The following CTNND1 variants were observed in gnomAD, a reference collection of about 807,000 sequenced individuals.
CTNND1 encodes catenin delta 1.
CTNND1 carries 16 observed loss-of-function variants against 112.1 expected under a neutral mutation model. The observed-to-expected ratio is 0.14, with a 90% CI of 0.10 to 0.22. The LOEUF is 0.22. CTNND1 is among the 10% of genes least tolerant of loss of function. The probability of loss-of-function intolerance (pLI) is 1.00; values close to 1 mark genes in which losing one functional copy is unlikely to be tolerated. For synonymous variants in CTNND1, 420 were observed against 446.5 expected (o/e 0.94, Z 0.75); for missense variants, 1,008 against 1,257.0 (o/e 0.80, Z 3.00).
In CTNND1 at chr11:57,803,774, C is replaced by T. The variant is rs747868784; in HGVS notation, c.1574C>T (p.Ser525Leu). The change falls in exon 8 of 21, where the codon TCG becomes TTG. Residue 525 changes from serine (S) to leucine (L), a missense_variant. This residue lies in a region of CTNND1 where 216 missense variants were observed against 342.8 expected (regional missense o/e 0.63). Coordinates refer to ENST00000399050, the MANE Select transcript of CTNND1 (RefSeq NM_001085458.2). ...DCKPRHIEWE[S>L]VLTNTAGCLR... Reference sequence around the variant, plus strand: ...AAGCCACGCCACATTGAGTGGGAATCGGTGCTCACCAACACAGCTGGCTGC... The same window carrying T: ...AAGCCACGCCACATTGAGTGGGAATTGGTGCTCACCAACACAGCTGGCTGC... 30 of 1,610,354 alleles carry T rather than the reference C, an allele frequency of 1.9e-5. No homozygotes were observed. Among genetic ancestry groups the T allele is most frequent in the East Asian group, 6.7e-5 (3 of 44,702 alleles).
chr11:57,767,351 T>C (rs1372278090), intron 1 of CTNND1, among the ~76,000 whole-genome samples: 1 of 152,240 alleles, frequency 6.6e-6, no homozygotes, highest in African/African-American at 2.4e-5. Flanking sequence ...GTTGATGTGA[T>C]GTGATGACAA....
intron 6 of CTNND1, among the ~76,000 whole-genome samples, chr11:57,798,740 G>A (rs1175760995): frequency 6.6e-6 from 1 of 152,156 alleles, no homozygotes; most frequent in Admixed American, 6.5e-5. Context: ...GAATGGGGTC[G>A]ACAGACCCCT....
chr11:57,771,512 A>G (rs1359500230), intron 1 of CTNND1, among the ~76,000 whole-genome samples: 2 of 152,098 alleles, frequency 1.3e-5, no homozygotes, highest in African/African-American at 4.8e-5. Flanking sequence ...AGATATGAGG[A>G]GTAGGAAGTG....
intron 17 of CTNND1, 42 bp from the exon 18 acceptor site, chr11:57,814,269 A>G: frequency 6.8e-7 from 1 of 1,475,268 alleles, no homozygotes; most frequent in South Asian, 1.2e-5. Context: ...ACAGATTTTG[A>G]AGAATTGTTT....
intron 1 of CTNND1, among the ~76,000 whole-genome samples, chr11:57,787,420 A>G (rs903017939): frequency 1.3e-5 from 2 of 152,234 alleles, no homozygotes; most frequent in East Asian, 3.8e-4. Context: ...CGGTGAAGTA[A>G]TGTAATTGGA....
chr11:57,766,006 G>T (rs1591094546), intron 1 of CTNND1, among the ~76,000 whole-genome samples: 1 of 152,110 alleles, frequency 6.6e-6, no homozygotes, highest in South Asian at 2.1e-4. Context: ...TTAGCTGGGC[G>T]TGGTGGCATG....
chr11:57,778,127 G>A (rs2059204413), intron 1 of CTNND1, among the ~76,000 whole-genome samples: 1 of 151,984 alleles, frequency 6.6e-6, no homozygotes, highest in Non-Finnish European at 1.5e-5. Flanking sequence ...ATTCCTAGTG[G>A]TTGTCCTCTC....
chr11:57,803,671 G>A lies in CTNND1; in HGVS notation c.1471G>A (p.Asp491Asn). ...TGACTCAATCAAAATGGAGATTGTG[G>A]ACCATGCACTGCATGCCTTGACAGA... ...SHDSIKMEIV[D>N]HALHALTDEV... is the part of the protein sequence containing the mutation. Residue 491 changes from aspartate (D) to asparagine (N), a missense_variant, in exon 8 of 21, where the codon GAC becomes AAC. Around this residue, in one of 5 missense-constraint regions of CTNND1, gnomAD observed 216 missense variants for 342.8 expected, o/e 0.63. Transcript: ENST00000399050. 1 of 1,613,084 alleles carries A rather than the reference G, an allele frequency of 6.2e-7. No homozygotes were observed. The highest frequency in any genetic ancestry group is 8.5e-7 in the Non-Finnish European group (1 of 1,179,506).
In CTNND1 at chr11:57,816,588, T is replaced by A; in HGVS notation, c.*280T>A. On this transcript the variant is annotated 3_prime_UTR_variant, in exon 21 of 21. Transcript: ENST00000399050. ...ATTTTGAGAAACTGCTGCAGATTAG[T>A]TCTTTTTGCCAGTTTTCCCTGGAAC... 4 of 525,570 alleles carry A rather than the reference T, an allele frequency of 7.6e-6. No homozygotes were observed. In the South Asian group the frequency reaches 9.3e-5, roughly 12 times the overall value. The allele number at this position is 525,570 out of a possible 1,614,324, so 32.6% of individuals were successfully genotyped here. A position where few individuals can be genotyped will look rare whatever the true frequency, so the allele number is the denominator to read the frequency against.
chr11:57,811,345 A>C (rs1469602282), intron 16 of CTNND1, 54 bp from the exon 17 acceptor site: 2 of 1,439,680 alleles, frequency 1.4e-6, no homozygotes, highest in African/African-American at 1.4e-5. Context: ...TTAGAGCATA[A>C]GATAGGGTGA....
At position 57,802,213 on chromosome 11, in the gene CTNND1, A is replaced by G. The variant is rs763816859; in HGVS notation, c.1420+17A>G. The G allele has an allele frequency of 1.3e-6, 2 of 1,581,342 alleles. No individual in the cohort carries two copies. Among genetic ancestry groups the G allele is most frequent in the Non-Finnish European group, 1.7e-6 (2 of 1,161,390 alleles). ...TTATTACCGGTGAGTTCTAGGCCTAAGGAAAATTGCTAAGTCAGTGTTACT... is the reference window on the plus strand; with the variant it reads ...TTATTACCGGTGAGTTCTAGGCCTAGGGAAAATTGCTAAGTCAGTGTTACT... On this transcript the variant is annotated intron_variant, in intron 7 of 20. Coordinates refer to ENST00000399050, the MANE Select transcript of CTNND1 (RefSeq NM_001085458.2).
In CTNND1 at chr11:57,814,629, A is replaced by C. The variant is rs377047514; in HGVS notation, c.2701+256A>C. On this transcript the variant is annotated intron_variant, in intron 18 of 20. Coordinates refer to ENST00000399050, the MANE Select transcript of CTNND1 (RefSeq NM_001085458.2). ...CCTATTACTACACATTCAAGTTTGTAGCCCATTATATTCCTACCCCAGTCT... is the reference window on the plus strand; with the variant it reads ...CCTATTACTACACATTCAAGTTTGTCGCCCATTATATTCCTACCCCAGTCT... Among the ~76,000 whole-genome samples, 13 of 152,326 alleles carry C rather than the reference A, an allele frequency of 8.5e-5. No individual in the cohort carries two copies. The East Asian group carries it at 2.5e-3, about 29-fold the overall frequency.
chr11:57,779,807 A>G (rs2059381827), intron 1 of CTNND1, among the ~76,000 whole-genome samples: 1 of 152,046 alleles, frequency 6.6e-6, no homozygotes, highest in African/African-American at 2.4e-5. Flanking sequence ...AAGGTAGGTA[A>G]TTTTTACAGA....
chr11:57,772,554 A>G (rs1198673889), intron 1 of CTNND1, among the ~76,000 whole-genome samples: 2 of 152,110 alleles, frequency 1.3e-5, no homozygotes, highest in Non-Finnish European at 2.9e-5. Flanking sequence ...CCCTGAAACT[A>G]ACTTTCCTTA....
At chr11:57,791,355 T>G (rs1419539357) in intron 2 of CTNND1, 30 bp from the exon 3 acceptor site, 2 of 1,338,760 alleles carry the variant, frequency 1.5e-6, no homozygotes, top group Non-Finnish European at 1.9e-6. Context: ...TGTGACCTTT[T>G]CTCTCCTTTC....
rs377685669 is a variant in CTNND1 at position 57,809,291 on chromosome 11, A to G, written c.2260A>G (p.Asn754Asp). 1.4e-5 allele frequency: 22 copies of G among 1,613,352 alleles called. 1 individual carries two copies. The African/African-American group carries it at 1.5e-4, about 11-fold the overall frequency. The change falls in exon 15 of 21, where the codon AAC becomes GAC. Residue 754 changes from asparagine to aspartate, a missense_variant. Asn to Asp is a conservative substitution (Grantham distance 23). Coordinates refer to ENST00000399050, the MANE Select transcript of CTNND1 (RefSeq NM_001085458.2). ...CTTACTAGGTAAACATGCTATTCCT[A>G]ACTTGGTAAAGAATCTGCCAGGAGG... Reference protein sequence around the residue: ...KELIGKHAIPNLVKNLPGGQQ... With the variant: ...KELIGKHAIPDLVKNLPGGQQ...
At chr11:57,803,456 A>G (rs185786219) in intron 7 of CTNND1, among the ~76,000 whole-genome samples, 165 bp from the exon 8 acceptor site, 1 of 152,302 alleles carries the variant, frequency 6.6e-6, no homozygotes, top group Non-Finnish European at 1.5e-5. Flanking sequence ...TATAATGTAG[A>G]ATATGTTTCT....
At position 57,791,655 on chromosome 11, in the gene CTNND1, A is replaced by G. The variant is rs749582490; in HGVS notation, c.177A>G (p.Thr59=). ...CCAACCCACTCATGGCCAACGGCAC[A>G]CTCACCCGCCGGCATCAGGTAACCC... ...QDANPLMANG[T]LTRRHQNGRF... Residue 59 remains threonine, a synonymous_variant, in exon 3 of 21, where the codon ACA becomes ACG. Coordinates refer to ENST00000399050, the MANE Select transcript of CTNND1 (RefSeq NM_001085458.2). The G allele has an allele frequency of 3.2e-6, 5 of 1,574,944 alleles. No individual in the cohort carries two copies. The South Asian group carries it at 3.4e-5, about 11-fold the overall frequency.
At position 57,806,926 on chromosome 11, in the gene CTNND1, A is replaced by G. The variant is rs1264563956; in HGVS notation, c.1906A>G (p.Ile636Val). 6 of 1,598,358 alleles carry G rather than the reference A, an allele frequency of 3.8e-6. No individual in the cohort carries two copies. Among genetic ancestry groups the G allele is most frequent in the East Asian group, 2.2e-5 (1 of 44,498 alleles). The change falls in exon 12 of 21, where the codon ATA becomes GTA. Residue 636 changes from isoleucine to valine, a missense_variant. By Grantham distance (29) the Ile-to-Val change is conservative. Transcript: ENST00000399050. ...DEWFSRGKKP[I>V]EDPANDTVDF... ...TTTCATTTTTGTAGGGAAAAAACCT[A>G]TAGAGGATCCAGCAAACGATACAGT...
Sources: gnomAD v4.1 joint callset for allele counts (sites outside exome capture counted in the v4.1 genomes callset) on GRCh38, gnomAD v4.1.1 for gene constraint, gnomAD v4.1.1 regional missense constraint, MANE v1.5 for transcripts, NCBI Gene and HGNC (gene_info 2026-07-23, HGNC 2026-07-21) for gene names.